The following HSD17B11 variants were observed in gnomAD, a reference collection of about 807,000 sequenced individuals.
The protein encoded by HSD17B11 is estradiol 17-beta-dehydrogenase 11.
Under a neutral mutation model 27.8 loss-of-function variants are expected in HSD17B11, and 22 were observed. The observed-to-expected ratio is 0.79, with a 90% confidence interval of 0.56 to 1.13. The LOEUF (loss-of-function observed/expected upper bound fraction) is 1.13. Among genes scored for constraint, HSD17B11 ranks in the 50% most tolerant of loss-of-function variants. The probability of loss-of-function intolerance (pLI) is 0.00; values close to 1 mark genes in which losing one functional copy is unlikely to be tolerated. For synonymous variants in HSD17B11, 117 were observed against 132.8 expected, an observed-to-expected ratio of 0.88 and a Z score of 0.82; for missense variants, 314 against 351.1, an observed-to-expected ratio of 0.89 and a Z score of 0.84.
chr4:87,360,896 T>C (rs1391671055), intron 4 of HSD17B11, among the ~76,000 whole-genome samples: 1 of 152,242 alleles, frequency 6.6e-6, no homozygotes, highest in Non-Finnish European at 1.5e-5. Flanking sequence ...TTGCACATAA[T>C]ATTTATTAAC....
chr4:87,389,737 G>A (rs905741887), intron 1 of HSD17B11, among the ~76,000 whole-genome samples: 3 of 152,084 alleles, frequency 2.0e-5, no homozygotes, highest in African/African-American at 7.2e-5. Context: ...AGTGTGTAAT[G>A]GATAATGTTT....
At chr4:87,372,002 G>A (rs1735725989) in intron 4 of HSD17B11, among the ~76,000 whole-genome samples, 1 of 152,162 alleles carries the variant, frequency 6.6e-6, no homozygotes, top group Non-Finnish European at 1.5e-5. Flanking sequence ...CAGCACTTTG[G>A]TAGGCCGAGG....
intron 5 of HSD17B11, among the ~76,000 whole-genome samples, chr4:87,346,877 A>G (rs1432696906): frequency 3.3e-5 from 5 of 151,848 alleles, no homozygotes; most frequent in Non-Finnish European, 5.9e-5. Context: ...AAGAAAAAAT[A>G]TATATATGTA....
Position 87,363,899 on chromosome 4 carries a change from C to A in HSD17B11, c.558-6483G>T, listed in dbSNP as rs536023900. Among the ~76,000 whole-genome samples, 28 of 152,246 alleles carry A rather than the reference C, an allele frequency of 1.8e-4. No individual in the cohort carries two copies. The East Asian group carries it at 5.4e-3, about 29-fold the overall frequency. On this transcript the variant is annotated intron_variant, in intron 4 of 6. Coordinates refer to ENST00000358290, the MANE Select transcript of HSD17B11 (RefSeq NM_016245.5). The stretch of plus-strand genomic sequence containing the variant: ...TCTTCAATTTTCCTTCTTCTAAGCA[C>A]CTAGGAGTTTACCTTTGGTAAAGTT...
chr4:87,375,614 G>A (rs571372780), intron 2 of HSD17B11, among the ~76,000 whole-genome samples: 164 of 152,296 alleles, frequency 1.1e-3, no homozygotes, highest in African/African-American at 3.7e-3. Flanking sequence ...GGTGGCGGGC[G>A]CCTATAATCC....
chr4:87,355,775 G>A (rs1318845102), intron 5 of HSD17B11, among the ~76,000 whole-genome samples: 2 of 151,998 alleles, frequency 1.3e-5, no homozygotes, highest in East Asian at 1.9e-4. Flanking sequence ...GTGGTCGTGC[G>A]TGCCTGTAAT....
At chr4:87,376,502 T>TAA (rs1735826789) in intron 2 of HSD17B11, among the ~76,000 whole-genome samples, 1 of 43,614 alleles carries the variant, frequency 2.3e-5, no homozygotes, top group Admixed American at 3.6e-4. Context: ...AGATTTCATC[T>TAA]CAAAAAAAAA....
intron 1 of HSD17B11, among the ~76,000 whole-genome samples, chr4:87,382,918 T>C (rs1169357714): frequency 6.6e-6 from 1 of 152,210 alleles, no homozygotes; most frequent in Admixed American, 6.5e-5. Flanking sequence ...ATAAGTATCA[T>C]AGTTAAGTAG....
intron 2 of HSD17B11, among the ~76,000 whole-genome samples, chr4:87,378,883 T>TATATATAA (rs1560769292): frequency 1.0e-3 from 13 of 12,920 alleles, no homozygotes; most frequent in South Asian, 2.6e-3. Context: ...TATATATAAA[T>TATATATAA]ATATATATAT....
At chr4:87,370,261 CCT>C (rs1735682735) in intron 4 of HSD17B11, among the ~76,000 whole-genome samples, 1 of 152,102 alleles carries the variant, frequency 6.6e-6, no homozygotes, top group African/African-American at 2.4e-5. Flanking sequence ...GTGGGAACTC[CCT>C]GTTTTGTGTG....
intron 1 of HSD17B11, among the ~76,000 whole-genome samples, chr4:87,390,520 T>C (rs1343890364): frequency 6.6e-6 from 1 of 152,228 alleles, no homozygotes; most frequent in Non-Finnish European, 1.5e-5. Flanking sequence ...ACAAGCTTCT[T>C]ACTCTTTTAA....
At chr4:87,354,024 T>C (rs1179623758) in intron 5 of HSD17B11, among the ~76,000 whole-genome samples, 1 of 152,198 alleles carries the variant, frequency 6.6e-6, no homozygotes, top group Non-Finnish European at 1.5e-5. Flanking sequence ...TGTTTAATAC[T>C]GATAAATTTA....
At chr4:87,370,151 A>G (rs915018584) in intron 4 of HSD17B11, among the ~76,000 whole-genome samples, 7 of 152,216 alleles carry the variant, frequency 4.6e-5, no homozygotes, top group Non-Finnish European at 8.8e-5. Context: ...AAAAGGATCA[A>G]TACTCTTATT....
At chr4:87,378,842 ATAAAT>A (rs1720004379) in intron 2 of HSD17B11, among the ~76,000 whole-genome samples, 1 of 29,106 alleles carries the variant, frequency 3.4e-5, no homozygotes, top group East Asian at 5.5e-4. Context: ...ATATATATAT[ATAAAT>A]ATATATATAA....
At position 87,356,051 on chromosome 4, in the gene HSD17B11, T is replaced by C. The variant is rs551162364; in HGVS notation, c.695+1228A>G. 9.2e-4 allele frequency among the ~76,000 whole-genome samples: 140 copies of C among 152,280 alleles called. 2 individuals are homozygous for C. In the South Asian group the frequency reaches 0.028, roughly 30 times the overall value. ...ATGCGAACATGAATGTAGCTAGTCA[T>C]CAGGGTAAAAACAAAGATGATTCTT... is the stretch of plus-strand genomic sequence containing the variant. On this transcript the variant is annotated intron_variant, in intron 5 of 6. Coordinates refer to ENST00000358290, the MANE Select transcript of HSD17B11 (RefSeq NM_016245.5).
At chr4:87,379,886 T>C (rs546098013) in intron 2 of HSD17B11, among the ~76,000 whole-genome samples, 1 of 145,034 alleles carries the variant, frequency 6.9e-6, no homozygotes, top group African/African-American at 2.5e-5. Flanking sequence ...ATTATTATTA[T>C]ACAGCACATC....
At chr4:87,379,957 G>T (rs1262543941) in intron 2 of HSD17B11, among the ~76,000 whole-genome samples, 1 of 146,408 alleles carries the variant, frequency 6.8e-6, no homozygotes. Context: ...ATATTTATCA[G>T]CCTGTATATA....
intron 1 of HSD17B11, among the ~76,000 whole-genome samples, chr4:87,386,717 C>T (rs879924351): frequency 6.6e-6 from 1 of 152,122 alleles, no homozygotes; most frequent in East Asian, 1.9e-4. Context: ...CAACTAAGAC[C>T]TTTACACCCA....
intron 5 of HSD17B11, among the ~76,000 whole-genome samples, chr4:87,354,724 C>A (rs2110116143): frequency 6.6e-6 from 1 of 151,402 alleles, no homozygotes; most frequent in East Asian, 1.9e-4. Flanking sequence ...AGTGGCCACA[C>A]TGAATATTTT....
Sources: gnomAD v4.1 joint callset for allele counts (sites outside exome capture counted in the v4.1 genomes callset) on GRCh38, gnomAD v4.1.1 for gene constraint, MANE v1.5 for transcripts, NCBI Gene and HGNC (gene_info 2026-07-23, HGNC 2026-07-21) for gene names.